Variants in DNER observed in about 807,000 individuals in gnomAD.
DNER encodes delta/notch like EGF repeat containing.
In DNER, 33 loss-of-function variants were observed where a neutral mutation model predicts 78.2. That is an observed-to-expected ratio of 0.42 (90% CI 0.32 to 0.56). The LOEUF (loss-of-function observed/expected upper bound fraction) is 0.56. Among genes scored for constraint, DNER ranks in the 20% least tolerant of loss-of-function variants. The pLI is 0.11. For missense variants in DNER, 918 were observed against 975.3 expected (o/e 0.94, Z 0.78); for synonymous variants, 417 against 384.8 (o/e 1.08, Z -0.98).
At chr2:229,678,009 A>G (rs923179678) in intron 1 of DNER, among the ~76,000 whole-genome samples, 4 of 152,232 alleles carry the variant, frequency 2.6e-5, no homozygotes, top group African/African-American at 9.6e-5. Flanking sequence ...CTAACAAAGC[A>G]TAAATTGCAC....
intron 8 of DNER, among the ~76,000 whole-genome samples, chr2:229,421,523 T>C (rs1040234926): frequency 6.7e-6 from 1 of 150,052 alleles, no homozygotes; most frequent in African/African-American, 2.4e-5. Context: ...TATCTGTATA[T>C]CTATATCTAT....
chr2:229,638,718 C>A (rs1698567316), intron 1 of DNER, among the ~76,000 whole-genome samples: 1 of 152,164 alleles, frequency 6.6e-6, no homozygotes, highest in Non-Finnish European at 1.5e-5. Context: ...CTGGGACCTG[C>A]AAAACCTATA....
intron 4 of DNER, among the ~76,000 whole-genome samples, chr2:229,567,272 AC>A (rs1232331900): frequency 6.6e-6 from 1 of 152,208 alleles, no homozygotes; most frequent in Non-Finnish European, 1.5e-5. Flanking sequence ...TTTATTCTGC[AC>A]CCTACTAAAA....
chr2:229,467,604 T>C (rs1694831647), intron 7 of DNER, among the ~76,000 whole-genome samples: 1 of 152,196 alleles, frequency 6.6e-6, no homozygotes. Context: ...AAAATTTCAC[T>C]TTAGCTTCCC....
chr2:229,576,434 C>T (rs1231297812), intron 4 of DNER, among the ~76,000 whole-genome samples: 1 of 148,440 alleles, frequency 6.7e-6, no homozygotes, highest in African/African-American at 2.5e-5. Flanking sequence ...TGAAAACCTA[C>T]AAATAATTCT....
At chr2:229,463,201 A>C (rs1275249795) in intron 7 of DNER, among the ~76,000 whole-genome samples, 1 of 152,046 alleles carries the variant, frequency 6.6e-6, no homozygotes, top group African/African-American at 2.4e-5. Flanking sequence ...ACAGTGTCTG[A>C]GCTATGGGAA....
rs970889806 is a variant in DNER at position 229,407,139 on chromosome 2, T to C, written c.1723+93A>G. On this transcript the variant is annotated intron_variant, in intron 10 of 12. Transcript: ENST00000341772. Reference sequence around the variant, plus strand: ...TTGTAATGGTGTTTATATTTTGCAATATTTTATTCATGATGGATTTGGGTT... The same window carrying C: ...TTGTAATGGTGTTTATATTTTGCAACATTTTATTCATGATGGATTTGGGTT... 15 of 1,101,554 alleles carry C rather than the reference T, an allele frequency of 1.4e-5. No homozygotes were observed. The Admixed American group carries it at 2.9e-4, about 21-fold the overall frequency. 68.2% of individuals were successfully genotyped at this position (1,101,554 alleles called of 1,614,324 possible). A position where few individuals can be genotyped will look rare whatever the true frequency, so the allele number is the denominator to read the frequency against.
intron 10 of DNER, among the ~76,000 whole-genome samples, chr2:229,390,192 A>G (rs7591720): frequency 0.39 from 60,095 of 152,170 alleles, 12,827 homozygotes; most frequent in Middle Eastern, 0.5. Context: ...TTAGCTGGCA[A>G]TCTGAACACT....
intron 4 of DNER, among the ~76,000 whole-genome samples, chr2:229,579,230 G>A (rs143622222): frequency 2.6e-5 from 4 of 152,134 alleles, no homozygotes; most frequent in African/African-American, 9.6e-5. Context: ...TGAATCCCAT[G>A]GCCACTTATA....
At chr2:229,521,529 C>G (rs536466718) in intron 5 of DNER, among the ~76,000 whole-genome samples, 1 of 152,290 alleles carries the variant, frequency 6.6e-6, no homozygotes, top group South Asian at 2.1e-4. Flanking sequence ...AACCTAGATA[C>G]AAAACAGTAA....
intron 5 of DNER, among the ~76,000 whole-genome samples, chr2:229,521,541 C>A (rs149088802): frequency 6.6e-4 from 101 of 152,268 alleles, no homozygotes; most frequent in African/African-American, 2.4e-3. Flanking sequence ...AAACAGTAAC[C>A]ATTGACACAT....
At chr2:229,396,770 A>G (rs1693153208) in intron 10 of DNER, among the ~76,000 whole-genome samples, 1 of 152,258 alleles carries the variant, frequency 6.6e-6, no homozygotes, top group East Asian at 1.9e-4. Flanking sequence ...AACCAACCTC[A>G]GATGTGGGTC....
At chr2:229,380,453 G>A (rs759735629) in intron 11 of DNER, among the ~76,000 whole-genome samples, 10 of 152,294 alleles carry the variant, frequency 6.6e-5, no homozygotes, top group Admixed American at 3.3e-4. Flanking sequence ...GACAGAGCGC[G>A]GAAGGGAGTT....
Position 229,546,830 on chromosome 2 carries a change from CAGAT to C in DNER, c.993+113_993+116del, listed in dbSNP as rs1262554079. The C allele has an allele frequency of 5.8e-3, 7,055 of 1,214,668 alleles. 280 individuals carry two copies. The African/African-American group carries it at 0.092, about 16-fold the overall frequency. The allele number at this position is 1,214,668 out of a possible 1,614,324, so 75.2% of individuals were successfully genotyped here. A position where few individuals can be genotyped will look rare whatever the true frequency, so the allele number is the denominator to read the frequency against. ...ACAGACAGACAGACAGACAGACAGA[CAGAT>C]AGATAGATAGAGCAAGGATGAAAGG... On this transcript the variant is annotated intron_variant, in intron 5 of 12. Coordinates refer to ENST00000341772, the MANE Select transcript of DNER (RefSeq NM_139072.4).
chr2:229,414,416 G>A (rs1047764524), intron 9 of DNER, among the ~76,000 whole-genome samples: 8 of 151,984 alleles, frequency 5.3e-5, no homozygotes, highest in South Asian at 2.1e-4. Context: ...ACAGGCACCC[G>A]CCACCACACC....
chr2:229,599,231 G>A (rs553309161), intron 1 of DNER, among the ~76,000 whole-genome samples: 278 of 152,290 alleles, frequency 1.8e-3, no homozygotes, highest in African/African-American at 6.1e-3. Context: ...GGGAATTTGT[G>A]TATGGTATTA....
At chr2:229,359,203 A>T (rs1437311937) in intron 12 of DNER, among the ~76,000 whole-genome samples, 1 of 152,130 alleles carries the variant, frequency 6.6e-6, no homozygotes, top group African/African-American at 2.4e-5. Flanking sequence ...CTATGCCAGA[A>T]CTCACCATTG....
intron 3 of DNER, among the ~76,000 whole-genome samples, chr2:229,586,541 A>C (rs1305824493): frequency 2.5e-4 from 22 of 86,396 alleles, no homozygotes; most frequent in Non-Finnish European, 3.7e-4. Flanking sequence ...AAAAAAAAAA[A>C]AAAAAAAAAC....
Position 229,451,839 on chromosome 2 carries a change from C to T in DNER, c.1262-4299G>A, listed in dbSNP as rs116288769. On this transcript the variant is annotated intron_variant, in intron 7 of 12. Coordinates refer to ENST00000341772, the MANE Select transcript of DNER (RefSeq NM_139072.4). The stretch of plus-strand genomic sequence containing the variant: ...AGAATAGAGGATTTACTGATCAGGT[C>T]AAAATAAAGGAAAAAGTGAATTTTA... 5.2e-3 allele frequency among the ~76,000 whole-genome samples: 788 copies of T among 151,928 alleles called. 8 individuals are homozygous for T. The highest frequency in any genetic ancestry group is 0.018 in the African/African-American group (736 of 41,390).
Sources: gnomAD v4.1 joint callset for allele counts (sites outside exome capture counted in the v4.1 genomes callset) on GRCh38, gnomAD v4.1.1 for gene constraint, MANE v1.5 for transcripts, NCBI Gene and HGNC (gene_info 2026-07-23, HGNC 2026-07-21) for gene names.